Variants in ZNF407 observed in about 807,000 individuals in gnomAD.
The protein encoded by ZNF407 is zinc finger protein 407.
Under a neutral mutation model 131.2 loss-of-function variants are expected in ZNF407, and 17 were observed. The ratio of observed to expected loss-of-function variants is 0.13; its 90% CI spans 0.09 to 0.19. The LOEUF (loss-of-function observed/expected upper bound fraction) is 0.19, where lower values mean the gene tolerates loss of function less well. ZNF407 is among the 10% of genes least tolerant of loss of function. The pLI is 1.00. For missense variants in ZNF407, 2,681 were observed against 2,830.6 expected (o/e 0.95, Z 1.20); for synonymous variants, 1,156 against 1,062.0 (o/e 1.09, Z -1.72).
intron 7 of ZNF407, among the ~76,000 whole-genome samples, chr18:74,895,547 A>G (rs1314610572): frequency 6.6e-6 from 1 of 152,132 alleles, no homozygotes; most frequent in Non-Finnish European, 1.5e-5. Flanking sequence ...AAGTTTTAAG[A>G]TGCAATGACA....
intron 1 of ZNF407, among the ~76,000 whole-genome samples, chr18:74,605,848 C>T (rs1982780963): frequency 6.6e-6 from 1 of 152,106 alleles, no homozygotes; most frequent in Non-Finnish European, 1.5e-5. Context: ...AAACCCAGCC[C>T]ACGTCTGTGT....
intron 4 of ZNF407, among the ~76,000 whole-genome samples, chr18:74,812,546 T>C (rs1032889566): frequency 2.6e-5 from 4 of 152,182 alleles, no homozygotes; most frequent in Admixed American, 1.3e-4. Context: ...TTGATTATAA[T>C]GTGAAGTGAG....
At position 75,012,953 on chromosome 18, in the gene ZNF407, A is replaced by T. The variant is rs572999690; in HGVS notation, c.5429-50197A>T. On this transcript the variant is annotated intron_variant, in intron 8 of 8. Coordinates refer to ENST00000299687, the MANE Select transcript of ZNF407 (RefSeq NM_017757.3). ...AATGATAGAAAGGGTCCTTTTTTAA[A>T]AAAAAAAAAAAAAGGGTTTGTAGGA... 5.3e-3 allele frequency among the ~76,000 whole-genome samples: 710 copies of T among 133,676 alleles called. 1 individual carries two copies. Among genetic ancestry groups the T allele is most frequent in the African/African-American group, 7.6e-3 (282 of 37,224 alleles). The allele number at this position is 133,676 out of a possible 152,430, so 87.7% of individuals were successfully genotyped here.
intron 3 of ZNF407, among the ~76,000 whole-genome samples, chr18:74,706,941 T>TC (rs1967638980): frequency 4.6e-4 from 2 of 4,336 alleles, no homozygotes; most frequent in Non-Finnish European, 1.7e-3. Flanking sequence ...AGACAGCAGC[T>TC]TTTTTTTTTT....
At chr18:74,711,045 TCAC>T (rs1967749219) in intron 3 of ZNF407, among the ~76,000 whole-genome samples, 4 of 150,284 alleles carry the variant, frequency 2.7e-5, no homozygotes, top group African/African-American at 4.9e-5. Flanking sequence ...TATTATCAAT[TCAC>T]TCTGTCCATT....
intron 8 of ZNF407, among the ~76,000 whole-genome samples, chr18:74,963,898 ATTTC>A (rs1344183983): frequency 6.6e-6 from 1 of 152,166 alleles, no homozygotes; most frequent in Non-Finnish European, 1.5e-5. Context: ...CAAAGTGTCT[ATTTC>A]TTAGTTGAGT....
At chr18:74,738,133 G>A (rs547805760) in intron 3 of ZNF407, among the ~76,000 whole-genome samples, 5 of 152,088 alleles carry the variant, frequency 3.3e-5, no homozygotes, top group South Asian at 2.1e-4. Context: ...TTAAAAAGGG[G>A]ACGTTGGGCC....
intron 8 of ZNF407, among the ~76,000 whole-genome samples, chr18:74,997,488 A>G (rs960063714): frequency 3.3e-5 from 5 of 152,088 alleles, no homozygotes; most frequent in African/African-American, 9.7e-5. Context: ...ACATAACAAA[A>G]ACTTAAGTAA....
intron 4 of ZNF407, among the ~76,000 whole-genome samples, chr18:74,826,548 T>G (rs1037129804): frequency 1.1e-4 from 16 of 152,168 alleles, no homozygotes; most frequent in African/African-American, 3.9e-4. Context: ...TATCTACATT[T>G]GTGGTGTTCG....
In ZNF407 at chr18:74,828,690, T is replaced by A. The variant is rs935039129; in HGVS notation, c.4877+47188T>A. On this transcript the variant is annotated intron_variant, in intron 4 of 8. Transcript: ENST00000299687. ...CCTGGTGTGTGCTAGAAAACCTTTT[T>A]CAGAAACCTAGAGTGGGAGCCATGT... 4.6e-5 allele frequency among the ~76,000 whole-genome samples: 6 copies of A among 130,688 alleles called. No individual in the cohort carries two copies. The South Asian group carries it at 1.7e-3, about 38-fold the overall frequency. 85.7% of individuals were successfully genotyped at this position (130,688 alleles called of 152,430 possible).
chr18:75,032,200 G>A (rs76388065), intron 8 of ZNF407, among the ~76,000 whole-genome samples: 2,774 of 152,230 alleles, frequency 0.018, 101 homozygotes, highest in African/African-American at 0.061. Context: ...CGTGTCACAC[G>A]GAATGTGTCA....
intron 4 of ZNF407, among the ~76,000 whole-genome samples, chr18:74,842,792 C>T (rs1034693376): frequency 3.3e-5 from 5 of 152,026 alleles, no homozygotes; most frequent in Admixed American, 6.6e-5. Context: ...GTTGGAATCT[C>T]GGCTCATTGC....
chr18:74,637,310 A>G (rs1364923353), intron 2 of ZNF407, among the ~76,000 whole-genome samples: 1 of 152,220 alleles, frequency 6.6e-6, no homozygotes, highest in Non-Finnish European at 1.5e-5. Flanking sequence ...CACTTGTGCC[A>G]TTTGAAAATG....
chr18:74,649,872 TCAAA>T (rs1599040787), intron 3 of ZNF407, among the ~76,000 whole-genome samples: 1 of 152,244 alleles, frequency 6.6e-6, no homozygotes, highest in East Asian at 1.9e-4. Flanking sequence ...CCATTCATTT[TCAAA>T]CATTTTCTGA....
intron 4 of ZNF407, among the ~76,000 whole-genome samples, chr18:74,814,051 C>T (rs1236339496): frequency 1.1e-4 from 17 of 152,110 alleles, no homozygotes; most frequent in Non-Finnish European, 1.9e-4. Context: ...TATTTCATTT[C>T]TAGTTATAAC....
chr18:75,005,694 C>G (rs963830405), intron 8 of ZNF407, among the ~76,000 whole-genome samples: 1 of 98,372 alleles, frequency 1.0e-5, no homozygotes. Context: ...CATGTCATCC[C>G]CGCCACCCCC....
At chr18:74,636,807 A>T (rs962422111) in intron 2 of ZNF407, among the ~76,000 whole-genome samples, 2 of 152,236 alleles carry the variant, frequency 1.3e-5, no homozygotes, top group African/African-American at 4.8e-5. Flanking sequence ...AAATATTCCT[A>T]TGCACTGCAG....
chr18:75,031,560 G>C (rs1040391078), intron 8 of ZNF407, among the ~76,000 whole-genome samples: 2 of 152,194 alleles, frequency 1.3e-5, no homozygotes, highest in African/African-American at 2.4e-5. Context: ...GAAACTGCTT[G>C]TGTACTAAAT....
chr18:74,850,838 C>A (rs78557623), intron 4 of ZNF407, among the ~76,000 whole-genome samples: 1 of 152,160 alleles, frequency 6.6e-6, no homozygotes, highest in Non-Finnish European at 1.5e-5. Context: ...AAAGAACTCT[C>A]GAGAGCACAA....
Sources: gnomAD v4.1 joint callset for allele counts (sites outside exome capture counted in the v4.1 genomes callset) on GRCh38, gnomAD v4.1.1 for gene constraint, MANE v1.5 for transcripts, NCBI Gene and HGNC (gene_info 2026-07-23, HGNC 2026-07-21) for gene names.